LRRC37A3: variants seen among roughly 807,000 people sequenced by gnomAD.
The protein encoded by LRRC37A3 is leucine rich repeat containing 37 member A3.
In LRRC37A3, 25 loss-of-function variants were observed where a neutral mutation model predicts 106.2. The ratio of observed to expected loss-of-function variants is 0.24; its 90% confidence interval spans 0.17 to 0.33. The LOEUF is 0.33. LRRC37A3 is among the 10% of genes least tolerant of loss of function. LRRC37A3 has a pLI of 1.00. For missense variants in LRRC37A3, 712 were observed against 1,644.9 expected (o/e 0.43, Z 9.81); for synonymous variants, 305 against 635.8 (o/e 0.48, Z 7.83).
At chr17:64,906,728 A>G (rs1244785125) in intron 2 of LRRC37A3, among the ~76,000 whole-genome samples, 3 of 151,606 alleles carry the variant, frequency 2.0e-5, no homozygotes, top group Non-Finnish European at 2.9e-5. Flanking sequence ...GGAGAAATGA[A>G]GACTATTTTT....
intron 10 of LRRC37A3, among the ~76,000 whole-genome samples, chr17:64,865,000 T>C (rs1045158717): frequency 3.3e-5 from 5 of 152,204 alleles, no homozygotes; most frequent in Non-Finnish European, 7.3e-5. Context: ...GCCTGACACA[T>C]CTTTCAAACC....
At chr17:64,863,072 G>A in intron 10 of LRRC37A3, 54 bp from the exon 11 acceptor site, 1 of 1,590,864 alleles carries the variant, frequency 6.3e-7, no homozygotes, top group Non-Finnish European at 8.5e-7. Flanking sequence ...TACTTGAGTA[G>A]GTAAAGGAGG....
intron 8 of LRRC37A3, among the ~76,000 whole-genome samples, chr17:64,880,550 C>T (rs1371522449): frequency 6.6e-6 from 1 of 152,168 alleles, no homozygotes; most frequent in Non-Finnish European, 1.5e-5. Flanking sequence ...AGTCCATCGA[C>T]TTTTTGGTAT....
At chr17:64,901,398 T>G (rs1481916296) in intron 2 of LRRC37A3, 1 of 148,994 alleles carries the variant, frequency 6.7e-6, no homozygotes, top group East Asian at 1.9e-4. Context: ...CATGGCTAGG[T>G]GTCTACTCCC....
At chr17:64,856,592 T>C (rs1309289066) in intron 13 of LRRC37A3, among the ~76,000 whole-genome samples, 5 of 151,522 alleles carry the variant, frequency 3.3e-5, no homozygotes, top group African/African-American at 1.2e-4. Context: ...TCTTCAAATA[T>C]TCAGCCTGAT....
At chr17:64,919,020 T>TGGCGGC (rs961620381) in intron 1 of LRRC37A3, 150 bp from the exon 2 acceptor site, 11 of 1,221,660 alleles carry the variant, frequency 9.0e-6, no homozygotes, top group African/African-American at 1.6e-5. Flanking sequence ...GGGGTGGGGC[T>TGGCGGC]GGCGGCGGCG....
chr17:64,872,246 C>CT (rs1973350143), intron 8 of LRRC37A3, among the ~76,000 whole-genome samples: 1 of 107,608 alleles, frequency 9.3e-6, no homozygotes, highest in African/African-American at 3.5e-5. Context: ...CCAGAATAAA[C>CT]TTTTTCAGAA....
Position 64,858,861 on chromosome 17 carries a change from T to C in LRRC37A3, c.4727A>G (p.Tyr1576Cys), listed in dbSNP as rs202058683. The change falls in exon 13 of 15, where the codon TAT becomes TGT. Residue 1576 changes from tyrosine to cysteine, a missense_variant. By Grantham distance (194) the Tyr-to-Cys change is radical. Coordinates refer to ENST00000584306, the MANE Select transcript of LRRC37A3 (RefSeq NM_199340.5). ...CAAGATGAGTTTTTTGGTATAGCCA[T>C]ATCCTGGAAGTTCTTTTGTGAACTA... is the stretch of plus-strand genomic sequence containing the variant. ...SLEFTKELPG[Y>C]GYTKKLILAL... 7.5e-6 allele frequency: 12 copies of C among 1,610,080 alleles called. No homozygotes were observed. Among genetic ancestry groups the C allele is most frequent in the Non-Finnish European group, 1.0e-5 (12 of 1,178,460 alleles).
intron 2 of LRRC37A3, among the ~76,000 whole-genome samples, chr17:64,903,779 CAATT>C (rs1294486131): frequency 2.0e-5 from 3 of 152,088 alleles, no homozygotes; most frequent in African/African-American, 7.3e-5. Flanking sequence ...CGTCAGTTAT[CAATT>C]GAGTACCCTT....
chr17:64,868,285 G>A (rs1422869938), intron 10 of LRRC37A3, among the ~76,000 whole-genome samples, 177 bp downstream of exon 10: 1 of 151,980 alleles, frequency 6.6e-6, no homozygotes, highest in African/African-American at 2.4e-5. Flanking sequence ...CTTTATATTG[G>A]GAATGTGGTG....
intron 13 of LRRC37A3, among the ~76,000 whole-genome samples, chr17:64,856,377 T>G (rs920697781): frequency 1.3e-4 from 20 of 149,878 alleles, no homozygotes; most frequent in Non-Finnish European, 2.2e-4. Context: ...CTACCACACC[T>G]GGCTATTTTT....
In LRRC37A3 at chr17:64,858,870, A is replaced by C; in HGVS notation, c.4718T>G (p.Leu1573Arg). ...TTTTTTGGTATAGCCATATCCTGGA[A>C]GTTCTTTTGTGAACTAAAAAAAAAA... ...KEKSLEFTKE[L>R]PGYGYTKKLI... The change falls in exon 13 of 15, where the codon CTT becomes CGT. Residue 1573 changes from leucine to arginine, a missense_variant. Coordinates refer to ENST00000584306, the MANE Select transcript of LRRC37A3 (RefSeq NM_199340.5). 3 of 1,605,256 alleles carry C rather than the reference A, an allele frequency of 1.9e-6. No individual in the cohort carries two copies. The highest frequency in any genetic ancestry group is 2.6e-6 in the Non-Finnish European group (3 of 1,176,010).
At chr17:64,884,152 GA>G (rs1477297889) in intron 8 of LRRC37A3, among the ~76,000 whole-genome samples, 1 of 125,056 alleles carries the variant, frequency 8.0e-6, no homozygotes, top group Non-Finnish European at 1.6e-5. Flanking sequence ...GTCCCCTGGG[GA>G]CAAAGTCCTC....
intron 8 of LRRC37A3, among the ~76,000 whole-genome samples, chr17:64,870,614 A>C (rs1278087421): frequency 4.6e-5 from 7 of 152,158 alleles, no homozygotes; most frequent in Non-Finnish European, 1.0e-4. Context: ...CTATTTTTAA[A>C]TGAGGAAACT....
At chr17:64,879,239 T>C (rs941925567) in intron 8 of LRRC37A3, among the ~76,000 whole-genome samples, 14 of 152,084 alleles carry the variant, frequency 9.2e-5, no homozygotes, top group African/African-American at 3.4e-4. Flanking sequence ...TGTTCTGGGG[T>C]TAGATAATGG....
At chr17:64,916,543 G>A (rs1358306480) in intron 2 of LRRC37A3, among the ~76,000 whole-genome samples, 4 of 150,442 alleles carry the variant, frequency 2.7e-5, no homozygotes, top group African/African-American at 4.9e-5. Context: ...TTGGGAGGCC[G>A]AGGCAGGCAG....
chr17:64,881,749 T>C lies in LRRC37A3; in HGVS notation c.2906+4337A>G, dbSNP rs139923356. On this transcript the variant is annotated intron_variant, in intron 8 of 14. Transcript: ENST00000584306. ...TTACAGCACAAAGCAATTTGAGGAA[T>C]AAATGAAAGAGCACGTCTAGTGCCT... Among the ~76,000 whole-genome samples, 3 of 151,364 alleles carry C rather than the reference T, an allele frequency of 2.0e-5. No homozygotes were observed. In the East Asian group the frequency reaches 5.8e-4, roughly 29 times the overall value.
Position 64,909,021 on chromosome 17 carries a change from C to T in LRRC37A3, c.-496+9729G>A, listed in dbSNP as rs1215162928. Among the ~76,000 whole-genome samples, 9 of 152,002 alleles carry T rather than the reference C, an allele frequency of 5.9e-5. No individual in the cohort carries two copies. In the East Asian group the frequency reaches 1.4e-3, roughly 23 times the overall value. On this transcript the variant is annotated intron_variant, in intron 2 of 14. Transcript: ENST00000584306. ...AACTCCTCACCTCAGGTGATCCACCCGCTTCAGCCTCCCAAAGTGCTGGGA... is the reference window on the plus strand; with the variant it reads ...AACTCCTCACCTCAGGTGATCCACCTGCTTCAGCCTCCCAAAGTGCTGGGA...
At chr17:64,919,247 C>T (rs945030657) in intron 1 of LRRC37A3, among the ~76,000 whole-genome samples, 184 bp downstream of exon 1, 3 of 152,092 alleles carry the variant, frequency 2.0e-5, no homozygotes, top group Non-Finnish European at 4.4e-5. Context: ...GCCTGCCCCG[C>T]CGGCCCCTCA....
Sources: allele counts gnomAD v4.1 joint callset (sites outside exome capture counted in the v4.1 genomes callset), GRCh38; gene constraint gnomAD v4.1.1; transcripts MANE v1.5; gene names NCBI Gene and HGNC (gene_info 2026-07-23, HGNC 2026-07-21).